The following SMURF2 variants were observed in gnomAD, a reference collection of about 807,000 sequenced individuals.
The protein encoded by SMURF2 is SMAD specific E3 ubiquitin protein ligase 2.
In SMURF2, 48 loss-of-function variants were observed where a neutral mutation model predicts 109.6. That is an observed-to-expected ratio of 0.44 (90% CI 0.35 to 0.56). The LOEUF (loss-of-function observed/expected upper bound fraction) is 0.56. Among genes scored for constraint, SMURF2 ranks in the 20% least tolerant of loss-of-function variants. SMURF2 has a pLI of 0.01. For missense variants in SMURF2, 575 were observed against 909.0 expected (o/e 0.63, Z 4.72); for synonymous variants, 288 against 317.1 (o/e 0.91, Z 0.97).
intron 12 of SMURF2, among the ~76,000 whole-genome samples, chr17:64,557,947 T>G (rs1471274444): frequency 6.6e-6 from 1 of 152,196 alleles, no homozygotes; most frequent in Non-Finnish European, 1.5e-5. Flanking sequence ...TTTAGGCAAT[T>G]TTATTATATT....
At chr17:64,630,527 TA>T (rs1970323807) in intron 1 of SMURF2, among the ~76,000 whole-genome samples, 1 of 152,074 alleles carries the variant, frequency 6.6e-6, no homozygotes, top group African/African-American at 2.4e-5. Context: ...CGCAACAGGT[TA>T]GGGGTAAGCA....
intron 1 of SMURF2, among the ~76,000 whole-genome samples, chr17:64,655,163 A>G (rs1418441608): frequency 1.3e-5 from 2 of 151,882 alleles, no homozygotes; most frequent in Non-Finnish European, 2.9e-5. Context: ...TAAAAAACAT[A>G]TCATGTTCCT....
chr17:64,654,033 G>C (rs887767149), intron 1 of SMURF2, among the ~76,000 whole-genome samples: 13 of 152,102 alleles, frequency 8.5e-5, no homozygotes, highest in African/African-American at 3.1e-4. Flanking sequence ...AAATTATAGT[G>C]ACCGAAAACA....
At chr17:64,635,355 CA>C (rs1390586597) in intron 1 of SMURF2, among the ~76,000 whole-genome samples, 6 of 152,000 alleles carry the variant, frequency 3.9e-5, no homozygotes, top group African/African-American at 1.4e-4. Context: ...ATAAAAGTCA[CA>C]TAACATGAAA....
At chr17:64,599,992 G>A (rs782040010) in intron 2 of SMURF2, among the ~76,000 whole-genome samples, 12 of 152,162 alleles carry the variant, frequency 7.9e-5, no homozygotes, top group Non-Finnish European at 1.3e-4. Flanking sequence ...TAAAAGTCGG[G>A]CAACAGGGCT....
chr17:64,606,943 T>G (rs781993540), intron 1 of SMURF2, among the ~76,000 whole-genome samples: 1 of 152,068 alleles, frequency 6.6e-6, no homozygotes, highest in African/African-American at 2.4e-5. Context: ...TCAGTGGCAA[T>G]AGGAAAAATA....
At chr17:64,634,054 T>A (rs1403773795) in intron 1 of SMURF2, among the ~76,000 whole-genome samples, 3 of 152,144 alleles carry the variant, frequency 2.0e-5, no homozygotes, top group African/African-American at 7.2e-5. Context: ...CTTGGGAGGC[T>A]GAGGCACAAA....
chr17:64,562,921 C>A lies in SMURF2; in HGVS notation c.1062G>T (p.Ser354=). The A allele has an allele frequency of 6.2e-7, 1 of 1,614,086 alleles. No individual in the cohort carries two copies. The highest frequency in any genetic ancestry group is 8.5e-7 in the Non-Finnish European group (1 of 1,179,986). ...LKDQQQQQVV[S]LCPDDTECLT... Reference sequence around the variant, plus strand: ...GGCATTCTGTGTCATCAGGACATAACGATACCACTTGCTGTTGCTGTTGGT... The same window carrying A: ...GGCATTCTGTGTCATCAGGACATAAAGATACCACTTGCTGTTGCTGTTGGT... The change falls in exon 11 of 19, where the codon TCG becomes TCT. Residue 354 remains serine, a synonymous_variant. Transcript: ENST00000262435.
intron 1 of SMURF2, among the ~76,000 whole-genome samples, chr17:64,639,980 C>A (rs1420819688): frequency 6.6e-6 from 1 of 152,104 alleles, no homozygotes; most frequent in Admixed American, 6.5e-5. Context: ...TTAATTATAA[C>A]AAATATACCA....
At chr17:64,656,023 G>A (rs1298988181) in intron 1 of SMURF2, among the ~76,000 whole-genome samples, 4 of 152,198 alleles carry the variant, frequency 2.6e-5, no homozygotes, top group African/African-American at 7.2e-5. Flanking sequence ...CTACATCACT[G>A]TGGAAAGGAA....
intron 16 of SMURF2, among the ~76,000 whole-genome samples, chr17:64,548,036 A>C (rs1476928707): frequency 2.6e-5 from 4 of 152,230 alleles, no homozygotes; most frequent in African/African-American, 9.6e-5. Flanking sequence ...AAAGCTCCAG[A>C]GATATCTACT....
At chr17:64,588,611 GT>G (rs1969702983) in intron 5 of SMURF2, among the ~76,000 whole-genome samples, 1 of 151,210 alleles carries the variant, frequency 6.6e-6, no homozygotes, top group African/African-American at 2.4e-5. Flanking sequence ...AGTTTTTTTT[GT>G]TTGTTTTTTG....
At chr17:64,560,419 A>C (rs1371128029) in intron 12 of SMURF2, among the ~76,000 whole-genome samples, 7 of 152,160 alleles carry the variant, frequency 4.6e-5, no homozygotes, top group Non-Finnish European at 1.0e-4. Flanking sequence ...CACACTAAAG[A>C]AACTATCCAT....
At chr17:64,613,325 C>A (rs183479362) in intron 1 of SMURF2, among the ~76,000 whole-genome samples, 55 of 152,064 alleles carry the variant, frequency 3.6e-4, no homozygotes, top group Non-Finnish European at 6.6e-4. Context: ...GTATCAGAAT[C>A]CCCTGGAGAA....
intron 1 of SMURF2, among the ~76,000 whole-genome samples, chr17:64,653,431 C>T (rs952307226): frequency 1.3e-5 from 2 of 150,714 alleles, no homozygotes; most frequent in Admixed American, 6.7e-5. Flanking sequence ...TCATACAATG[C>T]TGGTAGAAAT....
chr17:64,635,841 A>G (rs1970409774), intron 1 of SMURF2, among the ~76,000 whole-genome samples: 1 of 152,152 alleles, frequency 6.6e-6, no homozygotes, highest in Admixed American at 6.6e-5. Context: ...GTACCTAGGA[A>G]TGGAATTGCT....
chr17:64,661,886 C>CGGCGGCGGGGGCGGCGGG lies in SMURF2; in HGVS notation c.-24_-7dup, dbSNP rs544040158. ...CGGCCTCCGGGGTTAGACATGTCCCCGGCGGCGGGGGCGGCGGGGGCGGCG... is the reference window on the plus strand; with the variant it reads ...CGGCCTCCGGGGTTAGACATGTCCCCGGCGGCGGGGGCGGCGGGGGCGGCGGGGGCGGCGGGGGCGGCG... On this transcript the variant is annotated 5_prime_UTR_variant, in exon 1 of 19. Coordinates refer to ENST00000262435, the MANE Select transcript of SMURF2 (RefSeq NM_022739.4). 190 of 1,202,344 alleles carry CGGCGGCGGGGGCGGCGGG rather than the reference C, an allele frequency of 1.6e-4. No homozygotes were observed. The highest frequency in any genetic ancestry group is 3.0e-4 in the African/African-American group (19 of 62,586). 74.5% of individuals were successfully genotyped at this position (1,202,344 alleles called of 1,614,324 possible). A position where few individuals can be genotyped will look rare whatever the true frequency, so the allele number is the denominator to read the frequency against.
In SMURF2 at chr17:64,583,497, T is replaced by C. The variant is rs1969605220; in HGVS notation, c.533A>G (p.His178Arg). The change falls in exon 7 of 19, where the codon CAT (histidine) becomes CGT (arginine). Residue 178 changes from histidine (H) to arginine (R), a missense_variant. Physicochemically the swap from His to Arg is conservative, Grantham distance 29 (BLOSUM62 0). Coordinates refer to ENST00000262435, the MANE Select transcript of SMURF2 (RefSeq NM_022739.4). Reference sequence around the variant, plus strand: ...CTCCCATTGCGTAGTTCTTGTTATATGGTTTAGATACTGGATTCTTCCAGA... The same window carrying C: ...CTCCCATTGCGTAGTTCTTGTTATACGGTTTAGATACTGGATTCTTCCAGA... ...TASGRIQYLN[H>R]ITRTTQWERP... is the part of the protein sequence containing the mutation. 6.2e-7 allele frequency: 1 copy of C among 1,614,066 alleles called. No individual in the cohort carries two copies. The highest frequency in any genetic ancestry group is 8.5e-7 in the Non-Finnish European group (1 of 1,179,956).
chr17:64,627,111 C>CTTTTTTTT (rs1204553792), intron 1 of SMURF2, among the ~76,000 whole-genome samples: 1 of 120,130 alleles, frequency 8.3e-6, no homozygotes, highest in African/African-American at 3.4e-5. Flanking sequence ...AGTTTTTTTC[C>CTTTTTTTT]TTTTTTTTTT....
Sources: allele counts gnomAD v4.1 joint callset (sites outside exome capture counted in the v4.1 genomes callset), GRCh38; gene constraint gnomAD v4.1.1; transcripts MANE v1.5; gene names NCBI Gene and HGNC (gene_info 2026-07-23, HGNC 2026-07-21).